PCDHA3: variants seen among roughly 807,000 people sequenced by gnomAD.
PCDHA3 encodes protocadherin alpha 3, also known as protocadherin alpha-3.
Under a neutral mutation model 62.2 loss-of-function variants are expected in PCDHA3, and 41 were observed. The ratio of observed to expected loss-of-function variants is 0.66; its 90% confidence interval spans 0.51 to 0.86. The LOEUF (loss-of-function observed/expected upper bound fraction) is 0.86, where lower values mean the gene tolerates loss of function less well. PCDHA3 is among the 40% of genes least tolerant of loss of function. The pLI is 0.00. For synonymous variants in PCDHA3, 640 were observed against 555.4 expected (o/e 1.15, Z -2.14); for missense variants, 1,304 against 1,241.2 (o/e 1.05, Z -0.76).
chr5:140,828,250 G>T, intron 1 of PCDHA3: 5 of 1,613,982 alleles, frequency 3.1e-6, no homozygotes, highest in Non-Finnish European at 4.2e-6. Flanking sequence ...AGGACCTGGG[G>T]CTGGAGCTGG....
chr5:140,952,371 C>T (rs186648472), intron 1 of PCDHA3, among the ~76,000 whole-genome samples: 1 of 151,860 alleles, frequency 6.6e-6, no homozygotes, highest in African/African-American at 2.4e-5. Flanking sequence ...AAGAAATTTC[C>T]TCTGCCAGGT....
intron 1 of PCDHA3, among the ~76,000 whole-genome samples, chr5:140,906,486 A>G (rs2072686991): frequency 6.6e-6 from 1 of 152,270 alleles, no homozygotes; most frequent in South Asian, 2.1e-4. Context: ...GTATAAATGC[A>G]CAAACATGTT....
Position 140,801,909 on chromosome 5 carries a change from A to G in PCDHA3, c.712A>G (p.Asn238Asp). ...GATCACTGTTTTAGATGTAAACGAC[A>G]ACGCCCCAGCGTTTGAGAGGACGAT... ...LKITVLDVND[N>D]APAFERTIYK... Residue 238 changes from asparagine to aspartate, a missense_variant, in exon 1 of 4, where the codon AAC becomes GAC. Physicochemically the swap from Asn to Asp is conservative, Grantham distance 23 (BLOSUM62 1). Transcript: ENST00000522353. 6.2e-7 allele frequency: 1 copy of G among 1,614,204 alleles called. No homozygotes were observed. Among genetic ancestry groups the G allele is most frequent in the Non-Finnish European group, 8.5e-7 (1 of 1,180,048 alleles).
At chr5:140,810,993 T>A (rs1022983940) in intron 1 of PCDHA3, 1 of 152,154 alleles carries the variant, frequency 6.6e-6, no homozygotes, top group Non-Finnish European at 1.5e-5. Context: ...GGGTCAAGAT[T>A]TATTTTTATT....
chr5:140,883,391 T>C (rs1301270294), intron 1 of PCDHA3: 8 of 1,614,052 alleles, frequency 5.0e-6, no homozygotes, highest in Non-Finnish European at 6.8e-6. Flanking sequence ...AATCAGTGTG[T>C]CCGATCGTGA....
chr5:140,881,458 G>C (rs2058720447), intron 1 of PCDHA3: 1 of 671,966 alleles, frequency 1.5e-6, no homozygotes, highest in Non-Finnish European at 1.8e-6. Context: ...CAAAACCTTA[G>C]AGCATTGTTG....
intron 1 of PCDHA3, chr5:140,926,333 C>G (rs1244364456): frequency 6.6e-6 from 1 of 152,288 alleles, no homozygotes; most frequent in Non-Finnish European, 1.5e-5. Context: ...GGTCAGAGCG[C>G]CGGGACCCGA....
chr5:140,928,637 A>C (rs781828981), intron 1 of PCDHA3: 1 of 1,614,202 alleles, frequency 6.2e-7, no homozygotes, highest in South Asian at 1.1e-5. Context: ...TTGGTCACAA[A>C]AGTGGTAGCA....
chr5:140,807,107 T>G, intron 1 of PCDHA3: 1 of 1,466,078 alleles, frequency 6.8e-7, no homozygotes. Flanking sequence ...AGGATGCAGC[T>G]GCACTTGACT....
At chr5:140,808,038 A>G in intron 1 of PCDHA3, 1 of 1,614,054 alleles carries the variant, frequency 6.2e-7, no homozygotes, top group South Asian at 1.1e-5. Flanking sequence ...TTCTCAAATG[A>G]TATTTCGCCA....
At chr5:140,919,653 C>T (rs917457975) in intron 1 of PCDHA3, among the ~76,000 whole-genome samples, 1 of 152,158 alleles carries the variant, frequency 6.6e-6, no homozygotes, top group South Asian at 2.1e-4. Context: ...CTAGAGTTTA[C>T]CATATATATT....
At position 140,876,284 on chromosome 5, in the gene PCDHA3, A is replaced by C. The variant is rs781831935; in HGVS notation, c.2394+72693A>C. 1.7e-5 allele frequency: 27 copies of C among 1,613,954 alleles called. No homozygotes were observed. The highest frequency in any genetic ancestry group is 2.3e-5 in the Non-Finnish European group (27 of 1,179,908). ...CAACTAAATGCTTCCGATCCAGACG[A>C]AGGACTTAATGGAGAAATTTCCTAT... On this transcript the variant is annotated intron_variant, in intron 1 of 3. Transcript: ENST00000522353.
At chr5:140,807,203 G>T (rs1562206612) in intron 1 of PCDHA3, 1 of 1,613,738 alleles carries the variant, frequency 6.2e-7, no homozygotes, top group South Asian at 1.1e-5. Flanking sequence ...GTTTTCCTGG[G>T]GAAGCGGCCA....
At chr5:140,948,823 A>G (rs1554218722) in intron 1 of PCDHA3, among the ~76,000 whole-genome samples, 2 of 151,238 alleles carry the variant, frequency 1.3e-5, no homozygotes, top group African/African-American at 4.8e-5. Flanking sequence ...TATTTCATTA[A>G]TTTCTGCTTT....
chr5:140,997,921 G>T lies in PCDHA3; in HGVS notation c.2543-11706G>T, dbSNP rs553205382. On this transcript the variant is annotated intron_variant, in intron 3 of 3. Coordinates refer to ENST00000522353, the MANE Select transcript of PCDHA3 (RefSeq NM_018906.3). ...CAAGAAGTAGAATTACAGAATCATA[G>T]GATATAAAAATATCAAATTGGCAAA... is the stretch of plus-strand genomic sequence containing the variant. Among the ~76,000 whole-genome samples the T allele has an allele frequency of 1.1e-4, 16 of 152,200 alleles. No homozygotes were observed. The South Asian group carries it at 3.3e-3, about 32-fold the overall frequency.
In PCDHA3 at chr5:140,982,477, C is replaced by G. The variant is rs782587733; in HGVS notation, c.2456C>G (p.Ser819Cys). ...SASLRAGMHS[S>C]VHLEEAGILR... ...TCTGGGTCTGTGTGTTTATTCAGCT[C>G]TGTGCACCTAGAGGAGGCTGGCATT... is the stretch of plus-strand genomic sequence containing the variant. Residue 819 changes from serine to cysteine, a missense_variant and splice_region_variant, in exon 3 of 4, where the codon TCT (serine) becomes TGT (cysteine). Coordinates refer to ENST00000522353, the MANE Select transcript of PCDHA3 (RefSeq NM_018906.3). 2 of 1,614,188 alleles carry G rather than the reference C, an allele frequency of 1.2e-6. No homozygotes were observed. Among genetic ancestry groups the G allele is most frequent in the Non-Finnish European group, 1.7e-6 (2 of 1,180,030 alleles).
intron 1 of PCDHA3, among the ~76,000 whole-genome samples, chr5:140,891,792 G>A (rs2063250974): frequency 6.6e-6 from 1 of 152,152 alleles, no homozygotes; most frequent in Non-Finnish European, 1.5e-5. Flanking sequence ...TAGATTATGA[G>A]GGATCTGCCC....
In PCDHA3 at chr5:140,850,552, C is replaced by A. The variant is rs112046100; in HGVS notation, c.2394+46961C>A. On this transcript the variant is annotated intron_variant, in intron 1 of 3. Coordinates refer to ENST00000522353, the MANE Select transcript of PCDHA3 (RefSeq NM_018906.3). ...TCATCGTCGCGGGCGTCAGTGGGTG[C>A]CACGGGCCCCGAGGTGACGCTGGTG... is the stretch of plus-strand genomic sequence containing the variant. 1,841 of 1,598,232 alleles carry A rather than the reference C, an allele frequency of 1.2e-3. 121 individuals carry two copies. The African/African-American group carries it at 0.021, about 18-fold the overall frequency.
At chr5:140,929,104 A>G in intron 1 of PCDHA3, 1 of 1,614,240 alleles carries the variant, frequency 6.2e-7, no homozygotes. Flanking sequence ...TCCTTGCATG[A>G]CATCAGCCAC....
Sources: allele counts gnomAD v4.1 joint callset (sites outside exome capture counted in the v4.1 genomes callset), GRCh38; gene constraint gnomAD v4.1.1; transcripts MANE v1.5; gene names NCBI Gene and HGNC (gene_info 2026-07-23, HGNC 2026-07-21).